Variants in PDK3 observed in about 807,000 individuals in gnomAD.
PDK3 encodes pyruvate dehydrogenase kinase 3.
In PDK3, 12 loss-of-function variants were observed where a neutral mutation model predicts 32.0. The ratio of observed to expected loss-of-function variants is 0.37; its 90% confidence interval spans 0.24 to 0.61. The LOEUF (loss-of-function observed/expected upper bound fraction) is 0.61. Ranked by LOEUF, PDK3 falls within the 20% of genes least tolerant of loss-of-function variation. PDK3 has a pLI of 0.65. For synonymous variants in PDK3, 122 were observed against 116.3 expected, an observed-to-expected ratio of 1.05 and a Z score of -0.31; for missense variants, 188 against 316.9, an observed-to-expected ratio of 0.59 and a Z score of 3.09.
intron 3 of PDK3, among the ~76,000 whole-genome samples, chrX:24,500,962 G>A (rs911869720): frequency 2.7e-5 from 3 of 111,682 alleles, no homozygotes; most frequent in African/African-American, 6.5e-5. Context: ...ACATTGCAAC[G>A]AGTATTACAT....
At chrX:24,472,661 A>AT (rs1232533655) in intron 1 of PDK3, among the ~76,000 whole-genome samples, 1 of 99,097 alleles carries the variant, frequency 1.0e-5, no homozygotes, top group Non-Finnish European at 2.0e-5. Flanking sequence ...TATGGCTTAC[A>AT]TATTTCTTTC....
At chrX:24,528,830 C>T (rs754519568) in intron 9 of PDK3, among the ~76,000 whole-genome samples, 1 of 111,977 alleles carries the variant, frequency 8.9e-6, no homozygotes, top group South Asian at 3.7e-4. Context: ...TAGGGCCACA[C>T]TTGCTTCCCC....
rs766513428 is a variant in PDK3, at chrX:24,481,283, G to A, written c.107-13459G>A. On this transcript the variant is annotated intron_variant, in intron 1 of 10. Coordinates refer to ENST00000379162, the MANE Select transcript of PDK3 (RefSeq NM_005391.5). ...CCTGACCTCGTGATCTGCCCGCCTC[G>A]GCCTCCCAAAGTGCTGGGATTACAG... Among the ~76,000 whole-genome samples, 4 of 111,504 alleles carry A rather than the reference G, an allele frequency of 3.6e-5. No homozygotes were observed. In the South Asian group the frequency reaches 1.5e-3, roughly 41 times the overall value.
At chrX:24,497,136 A>G (rs974096289) in intron 2 of PDK3, among the ~76,000 whole-genome samples, 10 of 109,680 alleles carry the variant, frequency 9.1e-5, no homozygotes, top group African/African-American at 3.3e-4. Flanking sequence ...CCCCTTTGGA[A>G]AGGACGGGAT....
chrX:24,506,828 T>TTG (rs1431697223), intron 5 of PDK3, among the ~76,000 whole-genome samples: 1 of 93,870 alleles, frequency 1.1e-5, no homozygotes, highest in Non-Finnish European at 2.1e-5. Flanking sequence ...TTTTTTTTTT[T>TTG]GAGACAGAGT....
At chrX:24,541,697 A>G (rs925666501) in exon 12 of PDK3, among the ~76,000 whole-genome samples, 21 of 112,569 alleles carry the variant, frequency 1.9e-4, no homozygotes, top group African/African-American at 6.5e-4. Context: ...TCTTTACCCA[A>G]GTATTCATTT....
chrX:24,536,202 T>A (rs1443977369), downstream of PDK3, among the ~76,000 whole-genome samples: 2 of 111,527 alleles, frequency 1.8e-5, no homozygotes, highest in Non-Finnish European at 3.8e-5. Flanking sequence ...TGAGTTATAG[T>A]TATTTTTCCC....
At chrX:24,537,806 C>T, downstream of PDK3, among the ~76,000 whole-genome samples, 1 of 111,697 alleles carries the variant, frequency 9.0e-6, no homozygotes, top group East Asian at 2.8e-4. Context: ...TTATTTTTTT[C>T]TATGGAAGTG....
chrX:24,547,197 G>A (rs759917781), exon 12 of PDK3: 10 of 112,025 alleles, frequency 8.9e-5, no homozygotes, highest in Non-Finnish European at 1.3e-4. Flanking sequence ...TGGACTATTG[G>A]GAATATTTTT....
At chrX:24,519,830 G>A (rs1182820942) in intron 6 of PDK3, among the ~76,000 whole-genome samples, 2 of 111,858 alleles carry the variant, frequency 1.8e-5, no homozygotes, top group East Asian at 2.8e-4. Context: ...CTTTCTATTT[G>A]GCCCAGTAAA....
intron 1 of PDK3, among the ~76,000 whole-genome samples, chrX:24,489,684 C>CAAAAAAAA (rs11309543): frequency 2.1e-5 from 1 of 46,714 alleles, no homozygotes; most frequent in Non-Finnish European, 3.8e-5. Flanking sequence ...GACTCTGTCT[C>CAAAAAAAA]AAAAAAAAAA....
At chrX:24,525,096 G>T in intron 6 of PDK3, among the ~76,000 whole-genome samples, 1 of 111,943 alleles carries the variant, frequency 8.9e-6, no homozygotes, top group Non-Finnish European at 1.9e-5. Context: ...GGTGGAGGTT[G>T]CAGTGAGCCG....
intron 1 of PDK3, among the ~76,000 whole-genome samples, chrX:24,492,751 C>T (rs1372614972): frequency 1.8e-5 from 2 of 111,310 alleles, no homozygotes; most frequent in African/African-American, 3.3e-5. Flanking sequence ...CCTGTAATCC[C>T]AGCACTTTGG....
intron 3 of PDK3, among the ~76,000 whole-genome samples, chrX:24,502,693 A>T (rs1177939930): frequency 9.0e-6 from 1 of 111,013 alleles, no homozygotes; most frequent in Non-Finnish European, 1.9e-5. Flanking sequence ...AAAATACAAA[A>T]ATTAGCCAGG....
chrX:24,544,043 C>G (rs1039037350), exon 12 of PDK3, among the ~76,000 whole-genome samples: 3 of 111,566 alleles, frequency 2.7e-5, no homozygotes, highest in African/African-American at 9.8e-5. Flanking sequence ...GACTCCTTCT[C>G]TTTTGAGCGA....
At chrX:24,542,674 A>G (rs2148207486) in exon 12 of PDK3, among the ~76,000 whole-genome samples, 1 of 112,615 alleles carries the variant, frequency 8.9e-6, no homozygotes, top group Admixed American at 9.4e-5. Context: ...AGCTTTTACC[A>G]AAAATGACAG....
intron 10 of PDK3, among the ~76,000 whole-genome samples, chrX:24,533,505 G>C (rs1244343088): frequency 9.0e-6 from 1 of 111,413 alleles, no homozygotes; most frequent in Non-Finnish European, 1.9e-5. Flanking sequence ...CAGTTACTGG[G>C]AGTATTTATC....
intron 2 of PDK3, among the ~76,000 whole-genome samples, chrX:24,496,493 A>G (rs1921704545): frequency 9.4e-6 from 1 of 106,274 alleles, no homozygotes; most frequent in Non-Finnish European, 1.9e-5. Context: ...GAAATTTAAC[A>G]TTGATACAGT....
At chrX:24,520,409 A>T (rs892502346) in intron 6 of PDK3, among the ~76,000 whole-genome samples, 12 of 112,129 alleles carry the variant, frequency 1.1e-4, no homozygotes, top group African/African-American at 2.3e-4. Flanking sequence ...TGAGATTTTT[A>T]AAAAAATACA....
Sources: allele counts gnomAD v4.1 joint callset (sites outside exome capture counted in the v4.1 genomes callset), GRCh38; gene constraint gnomAD v4.1.1; transcripts MANE v1.5; gene names NCBI Gene and HGNC (gene_info 2026-07-23, HGNC 2026-07-21).